C2CD2: variants seen among roughly 807,000 people sequenced by gnomAD.
C2CD2 encodes the protein C2 calcium dependent domain containing 2.
A neutral mutation model predicts 74.3 loss-of-function variants in C2CD2; 43 were observed. The ratio of observed to expected loss-of-function variants is 0.58; its 90% CI spans 0.45 to 0.75. C2CD2 has a LOEUF of 0.75. C2CD2 is among the 30% of genes least tolerant of loss of function. The pLI, the probability that C2CD2 is intolerant of heterozygous loss-of-function variation, is 0.00. For synonymous variants in C2CD2, 422 were observed against 390.7 expected (o/e 1.08, Z -0.94); for missense variants, 801 against 916.3 (o/e 0.87, Z 1.63).
intron 2 of C2CD2, among the ~76,000 whole-genome samples, chr21:41,941,908 G>A (rs1001137614): frequency 6.6e-6 from 1 of 152,122 alleles, no homozygotes. Context: ...GTATTTTCAG[G>A]GTTCATCCGC....
At position 41,907,771 on chromosome 21, in the gene C2CD2, C is replaced by G; in HGVS notation, c.1032G>C (p.Thr344=). The G allele has an allele frequency of 3.1e-6, 5 of 1,613,956 alleles. No individual in the cohort carries two copies. The highest frequency in any genetic ancestry group is 4.2e-6 in the Non-Finnish European group (5 of 1,179,948). ...TAAATAAGTCCAGAGGAACTGTCGCCGTCGCCAGCAGACCTGAAAAGATAG... is the reference window on the plus strand; with the variant it reads ...TAAATAAGTCCAGAGGAACTGTCGCGGTCGCCAGCAGACCTGAAAAGATAG... ...AGRSSEGLLA[T]ATVPLDLFKK... Residue 344 remains threonine, a synonymous_variant, in exon 9 of 14, where the codon ACG becomes ACC. Transcript: ENST00000380486.
intron 6 of C2CD2, 24 bp from the exon 7 acceptor site, chr21:41,912,464 G>A (rs747160972): frequency 2.1e-5 from 26 of 1,266,730 alleles, no homozygotes; most frequent in African/African-American, 6.3e-5. Flanking sequence ...GAAGGGCATC[G>A]TGTTGGCGTT....
chr21:41,914,863 A>T, intron 5 of C2CD2, 142 bp from the exon 6 acceptor site: 1 of 633,084 alleles, frequency 1.6e-6, no homozygotes, highest in Non-Finnish European at 2.7e-6. Flanking sequence ...GAGCTCTGGG[A>T]TCTGCTCTGA....
intron 13 of C2CD2, among the ~76,000 whole-genome samples, chr21:41,896,890 G>GGAAACATTTA (rs1353683256): frequency 6.6e-6 from 1 of 152,202 alleles, no homozygotes; most frequent in Non-Finnish European, 1.5e-5. Context: ...AGCACTGGAA[G>GGAAACATTTA]GAAACATTTA....
At position 41,924,174 on chromosome 21, in the gene C2CD2, T is replaced by G. The variant is rs1039521932; in HGVS notation, c.379-2089A>C. ...ATAATTACTCAGTCAGGGCCTGCTA[T>G]TCCCCCAAGTTCAGGGCTAGGACAT... On this transcript the variant is annotated intron_variant, in intron 2 of 13. Coordinates refer to ENST00000380486, the MANE Select transcript of C2CD2 (RefSeq NM_015500.2). This position sits in a 1 kb window ranked among gnomAD's most constrained non-coding sequence, Gnocchi z 4.4. 6.6e-6 allele frequency among the ~76,000 whole-genome samples: 1 copy of G among 152,216 alleles called. No homozygotes were observed. The highest frequency in any genetic ancestry group is 6.5e-5 in the Admixed American group (1 of 15,272).
At chr21:41,937,995 T>C (rs1209575349) in intron 2 of C2CD2, among the ~76,000 whole-genome samples, 4 of 152,160 alleles carry the variant, frequency 2.6e-5, no homozygotes, top group Non-Finnish European at 1.5e-5. Flanking sequence ...ATACCAAATT[T>C]CATTTAGAAG....
chr21:41,933,913 G>A (rs1372408733), intron 2 of C2CD2, among the ~76,000 whole-genome samples: 1 of 152,192 alleles, frequency 6.6e-6, no homozygotes, highest in Non-Finnish European at 1.5e-5. Context: ...AAAGTCAAGA[G>A]CTACGTGGAA....
intron 12 of C2CD2, 28 bp downstream of exon 12, chr21:41,901,594 A>G: frequency 2.5e-6 from 4 of 1,613,554 alleles, no homozygotes; most frequent in Non-Finnish European, 3.4e-6. Context: ...TGACCAGATG[A>G]ACACCTCCCC....
rs1289276861 is a variant in C2CD2 at position 41,905,704 on chromosome 21, C to T, written c.1432+20G>A. ...CCAAAGGTGCTAAGAGGGAGAGCGA[C>T]GTGGGCGTGTCTCAGTTACCTGTGT... On this transcript the variant is annotated intron_variant, in intron 11 of 13. Coordinates refer to ENST00000380486, the MANE Select transcript of C2CD2 (RefSeq NM_015500.2). 11 of 1,303,910 alleles carry T rather than the reference C, an allele frequency of 8.4e-6. No individual in the cohort carries two copies. The highest frequency in any genetic ancestry group is 1.2e-5 in the Non-Finnish European group (11 of 904,084). 80.8% of individuals were successfully genotyped at this position (1,303,910 alleles called of 1,614,324 possible).
chr21:41,920,188 C>T (rs144924833), intron 3 of C2CD2, among the ~76,000 whole-genome samples: 1,563 of 152,336 alleles, frequency 0.01, 32 homozygotes, highest in African/African-American at 0.035. Context: ...GGCAGGCAGC[C>T]CTGACAGCTC....
chr21:41,937,517 C>T lies in C2CD2; in HGVS notation c.378+4630G>A, dbSNP rs146378902. ...CATTATCAGTAAGACTTCTGGTCAA[C>T]AGCAGGCTATTAATAGTTAAGTTTC... On this transcript the variant is annotated intron_variant, in intron 2 of 13. Coordinates refer to ENST00000380486, the MANE Select transcript of C2CD2 (RefSeq NM_015500.2). 4.7e-4 allele frequency among the ~76,000 whole-genome samples: 71 copies of T among 152,336 alleles called. No individual in the cohort carries two copies. The East Asian group carries it at 7.9e-3, about 17-fold the overall frequency.
chr21:41,896,707 CAAAAAAAAA>C (rs71332341), intron 13 of C2CD2, among the ~76,000 whole-genome samples: 1 of 73,704 alleles, frequency 1.4e-5, no homozygotes, highest in African/African-American at 5.2e-5. Context: ...GTTCTTAAAC[CAAAAAAAAA>C]AAAAAAAAAA....
intron 12 of C2CD2, chr21:41,900,916 G>A (rs894791327): frequency 5.9e-5 from 9 of 152,358 alleles, no homozygotes; most frequent in African/African-American, 2.2e-4. Context: ...GAGCAATGTG[G>A]TGAAACCCCA....
intron 13 of C2CD2, among the ~76,000 whole-genome samples, chr21:41,891,871 C>A (rs1490457015): frequency 6.6e-6 from 1 of 152,130 alleles, no homozygotes; most frequent in Non-Finnish European, 1.5e-5. Context: ...TTCCCTCCTG[C>A]TCCACCTCCA....
At chr21:41,909,545 T>A in intron 7 of C2CD2, 22 bp from the exon 8 acceptor site, 1 of 1,549,476 alleles carries the variant, frequency 6.5e-7, no homozygotes, top group Non-Finnish European at 8.9e-7. Context: ...AAACAAGTTA[T>A]GAGTCCTAAA....
chr21:41,894,305 T>C (rs2839409), intron 13 of C2CD2, among the ~76,000 whole-genome samples: 13,398 of 152,218 alleles, frequency 0.088, 684 homozygotes, highest in Middle Eastern at 0.17. Flanking sequence ...TTCCTACCTA[T>C]AGGATTTTAA....
chr21:41,905,690 AAG>A (rs2064952537), intron 11 of C2CD2, 32 bp downstream of exon 11: 3 of 1,134,906 alleles, frequency 2.6e-6, no homozygotes, highest in Non-Finnish European at 4.0e-6. Flanking sequence ...CAAAGGTGCT[AAG>A]AGGGAGAGCG....
rs2064815965 is a variant in C2CD2 at position 41,895,873 on chromosome 21, T to C, written c.1870+3180A>G. On this transcript the variant is annotated intron_variant, in intron 13 of 13. Transcript: ENST00000380486. The surrounding 1 kb of genome is among the most constrained non-coding windows in gnomAD (Gnocchi z 5.0). ...TGTCTTTGGCTTCCCAAGAACAGCA[T>C]CGGATTTCAACTGGAACCACAGATG... is the stretch of plus-strand genomic sequence containing the variant. Among the ~76,000 whole-genome samples, 1 of 151,976 alleles carries C rather than the reference T, an allele frequency of 6.6e-6. No homozygotes were observed. Among genetic ancestry groups the C allele is most frequent in the African/African-American group, 2.4e-5 (1 of 41,382 alleles).
At chr21:41,896,471 A>G (rs927785898) in intron 13 of C2CD2, among the ~76,000 whole-genome samples, 4 of 152,188 alleles carry the variant, frequency 2.6e-5, no homozygotes, top group Non-Finnish European at 5.9e-5. Flanking sequence ...TAACATACCC[A>G]TAATATACCC....
Sources: gnomAD v4.1 joint callset for allele counts (sites outside exome capture counted in the v4.1 genomes callset) on GRCh38, gnomAD v4.1.1 for gene constraint, Gnocchi (gnomAD v3.1) non-coding constraint, MANE v1.5 for transcripts, NCBI Gene and HGNC (gene_info 2026-07-23, HGNC 2026-07-21) for gene names.